The following CDH23 variants were observed in gnomAD, a reference collection of about 807,000 sequenced individuals.
The protein encoded by CDH23 is cadherin-23.
CDH23 carries 189 observed loss-of-function variants against 317.1 expected under a neutral mutation model. That is an observed-to-expected ratio of 0.60 (90% CI 0.53 to 0.67). CDH23 has a LOEUF of 0.67. Ranked by LOEUF, CDH23 falls within the 30% of genes least tolerant of loss-of-function variation. The pLI is 0.00. For synonymous variants in CDH23, 1,839 were observed against 1,876.8 expected (o/e 0.98, Z 0.52); for missense variants, 4,401 against 4,592.4 (o/e 0.96, Z 1.20).
At chr10:71,695,547 G>A in intron 22 of CDH23, 22 bp downstream of exon 22, 1 of 1,559,044 alleles carries the variant, frequency 6.4e-7, no homozygotes, top group Non-Finnish European at 8.9e-7. Flanking sequence ...CAGAGCAGCA[G>A]AACTGCCAGG....
intron 3 of CDH23, among the ~76,000 whole-genome samples, chr10:71,486,300 C>T (rs1367884552): frequency 6.6e-6 from 1 of 152,100 alleles, no homozygotes; most frequent in Non-Finnish European, 1.5e-5. Context: ...ACTCTAGGCA[C>T]TCTGGGATTA....
At chr10:71,783,089 C>A (rs569596692) in intron 41 of CDH23, among the ~76,000 whole-genome samples, 28 of 152,336 alleles carry the variant, frequency 1.8e-4, no homozygotes, top group African/African-American at 6.7e-4. Context: ...CCATTCTGGG[C>A]CCTTCCCCCT....
intron 14 of CDH23, among the ~76,000 whole-genome samples, chr10:71,673,673 G>T (rs957756834): frequency 6.6e-6 from 1 of 152,364 alleles, no homozygotes. Flanking sequence ...TCTTTCTCTA[G>T]CTGTGAAGCC....
intron 38 of CDH23, among the ~76,000 whole-genome samples, chr10:71,758,209 A>G (rs1445014035): frequency 6.6e-6 from 1 of 152,132 alleles, no homozygotes; most frequent in East Asian, 1.9e-4. Flanking sequence ...TGGTTTGAAA[A>G]AAGGGTAGCT....
intron 38 of CDH23, among the ~76,000 whole-genome samples, chr10:71,746,885 G>C (rs752416239): frequency 6.6e-6 from 1 of 152,164 alleles, no homozygotes; most frequent in Non-Finnish European, 1.5e-5. Context: ...CAGCGGCCCC[G>C]TGACGGTCTA....
rs377572414 is a variant in CDH23, at chr10:71,807,943, G to A, written c.8658G>A (p.Leu2886=). 1.9e-6 allele frequency: 3 copies of A among 1,602,264 alleles called. No homozygotes were observed. The highest frequency in any genetic ancestry group is 2.6e-6 in the Non-Finnish European group (3 of 1,174,418). Reference sequence around the variant, plus strand: ...ACAGCCTTGTCTTCTACAGCATTCTGGCCATCCACTACTTCCGGGCCCTTG... The same window carrying A: ...ACAGCCTTGTCTTCTACAGCATTCTAGCCATCCACTACTTCCGGGCCCTTG... ...GNNSLVFYSI[L]AIHYFRALAN... The change falls in exon 60 of 70, where the codon CTG becomes CTA. Residue 2886 remains leucine (L), a synonymous_variant. Transcript: ENST00000224721.
At chr10:71,765,266 C>T (rs1027777786) in intron 38 of CDH23, among the ~76,000 whole-genome samples, 1 of 152,270 alleles carries the variant, frequency 6.6e-6, no homozygotes, top group Non-Finnish European at 1.5e-5. Flanking sequence ...CTGAATTCAG[C>T]TCCAGCTTCA....
At chr10:71,787,309 C>T (rs918690877) in intron 44 of CDH23, among the ~76,000 whole-genome samples, 2 of 147,304 alleles carry the variant, frequency 1.4e-5, no homozygotes, top group Non-Finnish European at 3.0e-5. Flanking sequence ...CTGGTGTGGG[C>T]GCTTTTCAGA....
intron 1 of CDH23, among the ~76,000 whole-genome samples, chr10:71,421,215 C>T (rs1178036061): frequency 2.6e-5 from 4 of 152,218 alleles, no homozygotes; most frequent in Non-Finnish European, 5.9e-5. Flanking sequence ...GGGTAATGCC[C>T]GGTCAGACAG....
At chr10:71,690,970 C>T (rs1395798519) in intron 20 of CDH23, among the ~76,000 whole-genome samples, 4 of 152,196 alleles carry the variant, frequency 2.6e-5, no homozygotes, top group Middle Eastern at 3.2e-3. Context: ...ATGTGTGCCT[C>T]AGTTTCCCCA....
chr10:71,778,279 T>C lies in CDH23; in HGVS notation c.5158T>C (p.Leu1720=). The change falls in exon 40 of 70, where the codon TTA becomes CTA. Residue 1720 remains leucine (L), a synonymous_variant. Transcript: ENST00000224721. ...CACTGCCACAGACCAGTGCCCCATC[T>C]TATCCCACCGCCTCACCTCTACCAC... The part of the protein sequence containing the change: ...IVTATDQCPI[L]SHRLTSTTTV... 1.9e-6 allele frequency: 3 copies of C among 1,613,942 alleles called. No homozygotes were observed. The highest frequency in any genetic ancestry group is 2.5e-6 in the Non-Finnish European group (3 of 1,179,878).
intron 7 of CDH23, among the ~76,000 whole-genome samples, chr10:71,569,252 T>C (rs751038671): frequency 5.3e-5 from 8 of 151,964 alleles, no homozygotes; most frequent in Non-Finnish European, 8.8e-5. Context: ...CACCCTCTCA[T>C]TGGCTGTCCC....
chr10:71,715,770 T>C (rs961307041), intron 28 of CDH23: 5 of 556,462 alleles, frequency 9.0e-6, no homozygotes, highest in African/African-American at 2.0e-5. Flanking sequence ...AGGATCATCT[T>C]TGGGAAAGGG....
intron 18 of CDH23, among the ~76,000 whole-genome samples, chr10:71,684,570 T>C (rs1395174340): frequency 6.6e-6 from 1 of 152,220 alleles, no homozygotes; most frequent in African/African-American, 2.4e-5. Flanking sequence ...AACTTCCTCA[T>C]CTGCAAAATG....
In CDH23 at chr10:71,615,591, G is replaced by A; in HGVS notation, c.920G>A (p.Ser307Asn). Residue 307 changes from serine to asparagine, a missense_variant, in exon 10 of 70, where the codon AGC becomes AAC. Around this residue, in one of 3 missense-constraint regions of CDH23, gnomAD observed 3,068 missense variants for 3,203.3 expected, o/e 0.96. Coordinates refer to ENST00000224721, the MANE Select transcript of CDH23 (RefSeq NM_022124.6). The part of the protein sequence containing the change: ...GLLDRENPLY[S>N]HGFILTVKGT... ...CTGGACCGGGAGAACCCCCTGTACA[G>A]CCATGGCTTCATCCTGACTGTGAAG... 1.2e-6 allele frequency: 2 copies of A among 1,613,924 alleles called. No individual in the cohort carries two copies.
intron 69 of CDH23, 32 bp from the exon 70 acceptor site, chr10:71,814,920 C>T: frequency 1.9e-6 from 3 of 1,576,004 alleles, no homozygotes; most frequent in Non-Finnish European, 2.6e-6. Flanking sequence ...TGGGCATGGC[C>T]CTGAGCATGT....
Position 71,806,197 on chromosome 10 carries a change from G to T in CDH23, c.8094G>T (p.Gln2698His). The T allele has an allele frequency of 6.3e-7, 1 of 1,575,286 alleles. No individual in the cohort carries two copies. The change falls in exon 57 of 70, where the codon CAG (glutamine) becomes CAT (histidine). Residue 2698 changes from glutamine (Q) to histidine (H), a missense_variant. Physicochemically the swap from Gln to His is conservative, Grantham distance 24. Transcript: ENST00000224721. ...TCTTGGTGGCCAGCGACCTGGGCCA[G>T]CCAGTGCCATACGAGACTATGCAGC... is the stretch of plus-strand genomic sequence containing the variant. ...SLILVASDLG[Q>H]PVPYETMQPL...
Position 71,777,806 on chromosome 10 carries a change from C to G in CDH23, c.4972C>G (p.Gln1658Glu), listed in dbSNP as rs1369868198. ...DTLNTSLITI[Q>E]ALDLDEGPNG... Reference sequence around the variant, plus strand: ...GCTCAACACCAGCCTCATCACCATCCAGGCACTGGACCTGGATGAGGGTCC... The same window carrying G: ...GCTCAACACCAGCCTCATCACCATCGAGGCACTGGACCTGGATGAGGGTCC... The change falls in exon 39 of 70, where the codon CAG becomes GAG. Residue 1658 changes from glutamine to glutamate, a missense_variant. Transcript: ENST00000224721. The G allele has an allele frequency of 6.2e-7, 1 of 1,613,978 alleles. No homozygotes were observed. The highest frequency in any genetic ancestry group is 1.1e-5 in the South Asian group (1 of 91,076).
At chr10:71,696,851 C>T (rs1564739401) in intron 22 of CDH23, among the ~76,000 whole-genome samples, 1 of 152,214 alleles carries the variant, frequency 6.6e-6, no homozygotes, top group Non-Finnish European at 1.5e-5. Flanking sequence ...GGACCCTCGC[C>T]CTTTGACACA....
Sources: gnomAD v4.1 joint callset for allele counts (sites outside exome capture counted in the v4.1 genomes callset) on GRCh38, gnomAD v4.1.1 for gene constraint, gnomAD v4.1.1 regional missense constraint, MANE v1.5 for transcripts, NCBI Gene and HGNC (gene_info 2026-07-23, HGNC 2026-07-21) for gene names.